Variants in USP4 observed in about 807,000 individuals in gnomAD.
The protein encoded by USP4 is ubiquitin specific peptidase 4, also known as ubiquitin carboxyl-terminal hydrolase 4.
A neutral mutation model predicts 118.2 loss-of-function variants in USP4; 72 were observed. The observed-to-expected ratio is 0.61, with a 90% confidence interval of 0.50 to 0.74. USP4 has a LOEUF of 0.74. Among genes scored for constraint, USP4 ranks in the 30% least tolerant of loss-of-function variants. USP4 has a pLI of 0.00. For synonymous variants in USP4, 415 were observed against 440.4 expected, an observed-to-expected ratio of 0.94 and a Z score of 0.72; for missense variants, 1,037 against 1,185.7, an observed-to-expected ratio of 0.87 and a Z score of 1.84.
Position 49,278,226 on chromosome 3 carries a change from A to G in USP4, c.*67T>C, listed in dbSNP as rs1391068585. The stretch of plus-strand genomic sequence containing the variant: ...TAGACAGAACACTAGCAGTCTGCAG[A>G]GTGTCAAAGATGTTCTCCTGGGGGA... On this transcript the variant is annotated 3_prime_UTR_variant, in exon 22 of 22. Coordinates refer to ENST00000265560, the MANE Select transcript of USP4 (RefSeq NM_003363.4). The G allele has an allele frequency of 6.5e-7, 1 of 1,548,268 alleles. No homozygotes were observed. Among genetic ancestry groups the G allele is most frequent in the East Asian group, 2.3e-5 (1 of 43,450 alleles).
intron 6 of USP4, chr3:49,317,460 C>T: frequency 1.3e-6 from 1 of 764,362 alleles, no homozygotes; most frequent in South Asian, 1.5e-5. Flanking sequence ...CCTGCTGGGT[C>T]AACATCTCCT....
chr3:49,277,325 C>A lies in USP4; in HGVS notation c.*968G>T. ...GTCCGGTTCCTTAAGGCCTTGCCCA[C>A]ACGCAGCGGCTGGCCCCGCGGTGGG... On this transcript the variant is annotated 3_prime_UTR_variant, in exon 22 of 22. Transcript: ENST00000265560. 9.5e-7 allele frequency: 1 copy of A among 1,053,698 alleles called. No homozygotes were observed. Among genetic ancestry groups the A allele is most frequent in the South Asian group, 1.4e-5 (1 of 70,934 alleles). The allele number at this position is 1,053,698 out of a possible 1,614,324, so 65.3% of individuals were successfully genotyped here.
intron 6 of USP4, among the ~76,000 whole-genome samples, chr3:49,318,041 G>A (rs1312056006): frequency 1.4e-5 from 2 of 147,204 alleles, no homozygotes; most frequent in Admixed American, 6.9e-5. Flanking sequence ...TCACCATGTT[G>A]GCCAGACTGG....
chr3:49,327,931 A>G, intron 2 of USP4, 115 bp from the exon 3 acceptor site: 1 of 1,065,378 alleles, frequency 9.4e-7, no homozygotes, highest in Non-Finnish European at 1.3e-6. Context: ...AGAAACAGGA[A>G]TGAAATTCCA....
intron 2 of USP4, among the ~76,000 whole-genome samples, chr3:49,329,649 C>A (rs2047592550): frequency 6.6e-6 from 1 of 152,088 alleles, no homozygotes; most frequent in South Asian, 2.1e-4. Context: ...GATCCACCTA[C>A]TTCAGCCTGC....
chr3:49,301,598 G>A (rs988804597), intron 10 of USP4, among the ~76,000 whole-genome samples: 1 of 152,104 alleles, frequency 6.6e-6, no homozygotes, highest in Non-Finnish European at 1.5e-5. Flanking sequence ...TGAGACAGGA[G>A]AATCGCTTGA....
chr3:49,301,595 G>C (rs549887023), intron 10 of USP4, among the ~76,000 whole-genome samples: 2 of 152,208 alleles, frequency 1.3e-5, no homozygotes, highest in East Asian at 1.9e-4. Flanking sequence ...GGCTGAGACA[G>C]GAGAATCGCT....
chr3:49,293,631 A>ACT (rs2047174206), intron 14 of USP4: 1 of 151,942 alleles, frequency 6.6e-6, no homozygotes, highest in Non-Finnish European at 1.5e-5. Context: ...AGATCGTGCC[A>ACT]CTGCATTCCA....
chr3:49,332,432 A>G (rs920695554), intron 2 of USP4, among the ~76,000 whole-genome samples: 5 of 151,128 alleles, frequency 3.3e-5, no homozygotes, highest in Non-Finnish European at 5.9e-5. Context: ...AGCCTGGGTG[A>G]CAGGGCAAGA....
Position 49,278,833 on chromosome 3 carries a change from G to GC in USP4, c.2713dup (p.Ala905GlyfsTer3), listed in dbSNP as rs2046988123. 1.9e-6 allele frequency: 3 copies of GC among 1,612,366 alleles called. No individual in the cohort carries two copies. The highest frequency in any genetic ancestry group is 2.5e-6 in the Non-Finnish European group (3 of 1,179,034). On this transcript the variant is annotated frameshift_variant, in exon 21 of 22. Coordinates refer to ENST00000265560, the MANE Select transcript of USP4 (RefSeq NM_003363.4). LOFTEE classifies it high-confidence loss of function. Reference sequence around the variant, plus strand: ...ACTCACCACTATCTGATCCTCAGAGGCCAGGGACACGTTGCTATCATCAAA... The same window carrying GC: ...ACTCACCACTATCTGATCCTCAGAGGCCCAGGGACACGTTGCTATCATCAAA...
intron 8 of USP4, among the ~76,000 whole-genome samples, chr3:49,308,968 G>T (rs1182403938): frequency 6.7e-6 from 1 of 149,476 alleles, no homozygotes; most frequent in South Asian, 2.1e-4. Flanking sequence ...GGAGGTGGAG[G>T]TTGCAGTGCG....
chr3:49,284,611 G>A (rs761463727), intron 17 of USP4, 27 bp from the exon 18 acceptor site: 122 of 1,595,758 alleles, frequency 7.6e-5, no homozygotes, highest in Non-Finnish European at 9.9e-5. Context: ...ACTCAGTTCT[G>A]CTGGAGAAAG....
chr3:49,334,293 A>C (rs2047647842), intron 2 of USP4, among the ~76,000 whole-genome samples: 1 of 152,220 alleles, frequency 6.6e-6, no homozygotes, highest in Non-Finnish European at 1.5e-5. Context: ...ATTTCATAAA[A>C]ATGAGAAAAA....
In USP4 at chr3:49,335,527, G is replaced by A. The variant is rs1210664178; in HGVS notation, c.171C>T (p.Tyr57=). The A allele has an allele frequency of 1.9e-6, 3 of 1,614,190 alleles. No homozygotes were observed. The highest frequency in any genetic ancestry group is 1.6e-4 in the Middle Eastern group (1 of 6,062). ...KYVGFDSWDM[Y]NVGEHNLFPG... ...GAAATAGGTTATGTTCACCCACATTGTACATGTCCCAGCTGTCAAAGCCCA... is the reference window on the plus strand; with the variant it reads ...GAAATAGGTTATGTTCACCCACATTATACATGTCCCAGCTGTCAAAGCCCA... Residue 57 remains tyrosine, a synonymous_variant, in exon 2 of 22, where the codon TAC becomes TAT. Transcript: ENST00000265560.
chr3:49,338,594 G>A (rs1452909022), intron 1 of USP4, among the ~76,000 whole-genome samples: 9 of 150,584 alleles, frequency 6.0e-5, no homozygotes, highest in Admixed American at 5.3e-4. Context: ...CATGGGAGGG[G>A]GAGGTTGCCG....
intron 2 of USP4, among the ~76,000 whole-genome samples, chr3:49,334,420 TC>T (rs2047648948): frequency 6.6e-6 from 1 of 152,146 alleles, no homozygotes; most frequent in Non-Finnish European, 1.5e-5. Context: ...TGTAGACCTC[TC>T]CTAAAACAAG....
intron 8 of USP4, among the ~76,000 whole-genome samples, chr3:49,308,400 A>G (rs949343137): frequency 6.6e-6 from 1 of 151,800 alleles, no homozygotes. Context: ...GCTCATTGCA[A>G]CCTCCGCCTC....
intron 11 of USP4, 55 bp from the exon 12 acceptor site, chr3:49,298,690 G>A: frequency 1.3e-6 from 2 of 1,497,536 alleles, no homozygotes; most frequent in East Asian, 2.3e-5. Flanking sequence ...GGTGCGAAAT[G>A]CATTAGGAGA....
intron 2 of USP4, among the ~76,000 whole-genome samples, chr3:49,329,955 C>A (rs2047595775): frequency 1.3e-5 from 2 of 152,064 alleles, no homozygotes; most frequent in Admixed American, 6.6e-5. Flanking sequence ...GCCTGGCCAA[C>A]ATGGTGAAAC....
Sources: gnomAD v4.1 joint callset for allele counts (sites outside exome capture counted in the v4.1 genomes callset) on GRCh38, gnomAD v4.1.1 for gene constraint, MANE v1.5 for transcripts, NCBI Gene and HGNC (gene_info 2026-07-23, HGNC 2026-07-21) for gene names.